The following AHNAK2 variants were observed in gnomAD, a reference collection of about 807,000 sequenced individuals.
AHNAK2 encodes protein AHNAK2.
In AHNAK2, 18 loss-of-function variants were observed where a neutral mutation model predicts 30.7. That is an observed-to-expected ratio of 0.59 (90% CI 0.41 to 0.87). The LOEUF (loss-of-function observed/expected upper bound fraction) is 0.87. Among genes scored for constraint, AHNAK2 ranks in the 40% least tolerant of loss-of-function variants. The pLI is 0.00. For synonymous variants in AHNAK2, 3,590 were observed against 3,073.8 expected (o/e 1.17, Z -5.56); for missense variants, 8,604 against 7,373.0 (o/e 1.17, Z -6.11).
rs773790862 is a variant in AHNAK2, at chr14:104,946,128, C to T, written c.9323G>A (p.Gly3108Asp). ...TGGGGCCTCGACATCCACCTCCATGCCGGGCTGAGACACCTCCACGTCGGG... is the reference window on the plus strand; with the variant it reads ...TGGGGCCTCGACATCCACCTCCATGTCGGGCTGAGACACCTCCACGTCGGG... ...TAPDVEVSQP[G>D]MEVDVEAPGA... The change falls in exon 7 of 7, where the codon GGC becomes GAC. Residue 3108 changes from glycine (G) to aspartate (D), a missense_variant. Gly to Asp is a moderately conservative substitution (Grantham distance 94, BLOSUM62 -1). Coordinates refer to ENST00000333244, the MANE Select transcript of AHNAK2 (RefSeq NM_138420.4). The T allele has an allele frequency of 5.6e-6, 9 of 1,612,320 alleles. No individual in the cohort carries two copies. Among genetic ancestry groups the T allele is most frequent in the African/African-American group, 1.3e-5 (1 of 74,492 alleles).
Position 104,939,198 on chromosome 14 carries a change from G to A in AHNAK2, c.16253C>T (p.Ala5418Val). ...CTTACAAAGGGCTGTATCAATATTG[G>A]CCTCTGGACACTGCACTTCCCTCAC... ...PTVREVQCPE[A>V]NIDTALCKES... Residue 5418 changes from alanine to valine, a missense_variant, in exon 7 of 7, where the codon GCC (alanine) becomes GTC (valine). Transcript: ENST00000333244. The A allele has an allele frequency of 6.2e-7, 1 of 1,613,752 alleles. No homozygotes were observed. The highest frequency in any genetic ancestry group is 8.5e-7 in the Non-Finnish European group (1 of 1,179,866).
At position 104,941,781 on chromosome 14, in the gene AHNAK2, G is replaced by A. The variant is rs1490149553; in HGVS notation, c.13670C>T (p.Pro4557Leu). ...CTGGGGGCCCTTGAGGTCCACTTTG[G>A]GCATCTTGAAACTGGGCATCTCCAC... ...PKVEMPSFKM[P>L]KVDLKGPQVD... Residue 4557 changes from proline to leucine, a missense_variant, in exon 7 of 7, where the codon CCC becomes CTC. Physicochemically the swap from Pro to Leu is moderately conservative, Grantham distance 98. Transcript: ENST00000333244. 1 of 1,613,626 alleles carries A rather than the reference G, an allele frequency of 6.2e-7. No individual in the cohort carries two copies. Among genetic ancestry groups the A allele is most frequent in the Non-Finnish European group, 8.5e-7 (1 of 1,179,792 alleles).
chr14:104,946,625 G>A lies in AHNAK2; in HGVS notation c.8826C>T (p.Pro2942=). ...GGGCCTCGACGTCCACCTCCACGCT[G>A]GGCAGAGACACCTCCACGTCGGGGG... The part of the protein sequence containing the change: ...VTAPDVEVSL[P]SVEVDVEAPR... The change falls in exon 7 of 7, where the codon CCC becomes CCT. Residue 2942 remains proline, a synonymous_variant. Coordinates refer to ENST00000333244, the MANE Select transcript of AHNAK2 (RefSeq NM_138420.4). 3 of 1,612,736 alleles carry A rather than the reference G, an allele frequency of 1.9e-6. No homozygotes were observed. Among genetic ancestry groups the A allele is most frequent in the Non-Finnish European group, 1.7e-6 (2 of 1,179,670 alleles).
In AHNAK2 at chr14:104,962,851, T is replaced by A. The variant is rs566698037; in HGVS notation, c.56-5179A>T. ...CTGGACCCTTCCATCCCATCACTCA[T>A]GAAAATGAATTTGAAATGAATCATA... On this transcript the variant is annotated intron_variant, in intron 1 of 6. Coordinates refer to ENST00000333244, the MANE Select transcript of AHNAK2 (RefSeq NM_138420.4). 1.8e-3 allele frequency among the ~76,000 whole-genome samples: 280 copies of A among 152,268 alleles called. 2 individuals carry two copies. Among genetic ancestry groups the A allele is most frequent in the African/African-American group, 6.5e-3 (270 of 41,558 alleles).
chr14:104,974,168 A>G (rs1899543096), intron 1 of AHNAK2, among the ~76,000 whole-genome samples: 1 of 152,228 alleles, frequency 6.6e-6, no homozygotes, highest in African/African-American at 2.4e-5. Context: ...GACACCCTCA[A>G]GCTCGCAGCG....
intron 1 of AHNAK2, among the ~76,000 whole-genome samples, chr14:104,961,312 A>G (rs1317359855): frequency 1.3e-5 from 2 of 151,752 alleles, no homozygotes; most frequent in Admixed American, 6.6e-5. Flanking sequence ...CAGGAGATCA[A>G]AACCATCCTG....
At position 104,941,982 on chromosome 14, in the gene AHNAK2, G is replaced by C; in HGVS notation, c.13469C>G (p.Ala4490Gly). Residue 4490 changes from alanine to glycine, a missense_variant, in exon 7 of 7, where the codon GCG becomes GGG. By Grantham distance (60) the Ala-to-Gly change is moderately conservative (BLOSUM62 0). Coordinates refer to ENST00000333244, the MANE Select transcript of AHNAK2 (RefSeq NM_138420.4). ...KSIEVSVDVS[A>G]PKMEADMSIP... ...GCTCATGTCGGCCTCCATCTTTGGC[G>C]CAGACACATCCACCGAGACCTCGAT... 1 of 1,613,522 alleles carries C rather than the reference G, an allele frequency of 6.2e-7. No individual in the cohort carries two copies. Among genetic ancestry groups the C allele is most frequent in the Non-Finnish European group, 8.5e-7 (1 of 1,179,704 alleles).
At position 104,938,447 on chromosome 14, in the gene AHNAK2, G is replaced by A. The variant is rs373942052; in HGVS notation, c.17004C>T (p.Asp5668=). Residue 5668 remains aspartate, a synonymous_variant, in exon 7 of 7, where the codon GAC becomes GAT. Transcript: ENST00000333244. ...VDETGVDSKN[D]VQRSAPIQTQ... is the part of the protein sequence containing the mutation. Reference sequence around the variant, plus strand: ...TTTGAATGGGAGCAGATCTCTGGACGTCATTTTTGGAATCAACACCTGTCT... The same window carrying A: ...TTTGAATGGGAGCAGATCTCTGGACATCATTTTTGGAATCAACACCTGTCT... 1.0e-4 allele frequency: 161 copies of A among 1,613,750 alleles called. No homozygotes were observed. The highest frequency in any genetic ancestry group is 5.4e-5 in the Non-Finnish European group (64 of 1,179,866).
chr14:104,942,678 T>C lies in AHNAK2; in HGVS notation c.12773A>G (p.Glu4258Gly), dbSNP rs771095181. 1 of 1,613,346 alleles carries C rather than the reference T, an allele frequency of 6.2e-7. No homozygotes were observed. Among genetic ancestry groups the C allele is most frequent in the Non-Finnish European group, 8.5e-7 (1 of 1,179,680 alleles). The change falls in exon 7 of 7, where the codon GAG becomes GGG. Residue 4258 changes from glutamate to glycine, a missense_variant. Transcript: ENST00000333244. ...CACCTCCATGCTGGGCAGAGACACC[T>C]CCACGACGGGGGTCATCACATCCGC... ...PKADVMTPVV[E>G]VSLPSMEVDV...
rs371504680 is a variant in AHNAK2 at position 104,946,368 on chromosome 14, A to C, written c.9083T>G (p.Ile3028Ser). The change falls in exon 7 of 7, where the codon ATT becomes AGT. Residue 3028 changes from isoleucine to serine, a missense_variant. Coordinates refer to ENST00000333244, the MANE Select transcript of AHNAK2 (RefSeq NM_138420.4). Reference protein sequence around the residue: ...QGDLKTTDISIEPPSAQLEVQ... With the variant: ...QGDLKTTDISSEPPSAQLEVQ... ...CTCCAGTTGGGCAGAGGGGGGCTCAATGCTGATGTCAGTGGTCTTCAGGTC... is the reference window on the plus strand; with the variant it reads ...CTCCAGTTGGGCAGAGGGGGGCTCACTGCTGATGTCAGTGGTCTTCAGGTC... 6.2e-7 allele frequency: 1 copy of C among 1,611,808 alleles called. No homozygotes were observed. The highest frequency in any genetic ancestry group is 8.5e-7 in the Non-Finnish European group (1 of 1,179,212).
At position 104,947,352 on chromosome 14, in the gene AHNAK2, G is replaced by A; in HGVS notation, c.8099C>T (p.Pro2700Leu). ...CTGGACCTCCAGTTGGGCAGAGGGG[G>A]GCTGAATGCTGATGTCAGTGGTCTT... is the stretch of plus-strand genomic sequence containing the variant. ...DLKTTDISIQ[P>L]PSAQLEVQAG... The change falls in exon 7 of 7, where the codon CCC becomes CTC. Residue 2700 changes from proline (P) to leucine (L), a missense_variant. By Grantham distance (98) the Pro-to-Leu change is moderately conservative. Transcript: ENST00000333244. 1.2e-6 allele frequency: 2 copies of A among 1,612,396 alleles called. No homozygotes were observed. The highest frequency in any genetic ancestry group is 1.1e-5 in the South Asian group (1 of 91,020).
rs181294528 is a variant in AHNAK2, at chr14:104,942,575, A to C, written c.12876T>G (p.Thr4292=). 64 of 1,612,318 alleles carry C rather than the reference A, an allele frequency of 4.0e-5. 1 individual carries two copies. The African/African-American group carries it at 6.2e-4, about 16-fold the overall frequency. The change falls in exon 7 of 7, where the codon ACT becomes ACG. Residue 4292 remains threonine, a synonymous_variant. Transcript: ENST00000333244. ...GCATTTTGAACTTGCTGTCTTTGGC[A>C]GTCATGTCCTTGTCGGCTAGGGACA... ...GDLSLADKDM[T]AKDSKFKMPK...
intron 1 of AHNAK2, among the ~76,000 whole-genome samples, chr14:104,972,966 T>C (rs774563502): frequency 1.3e-5 from 2 of 152,018 alleles, no homozygotes; most frequent in African/African-American, 4.8e-5. Context: ...TGGAGAGCCA[T>C]GCTTCACACC....
chr14:104,952,382 C>T lies in AHNAK2; in HGVS notation c.3069G>A (p.Val1023=), dbSNP rs147812632. ...PGKSIKALVD[V]SAPKVEADLS... ...GGTCGGCCTCCACCTTGGGTGCAGA[C>T]ACATCCACCAAGGCCTTGATGGACT... Residue 1023 remains valine (V), a synonymous_variant, in exon 7 of 7, where the codon GTG becomes GTA. Transcript: ENST00000333244. 6.9e-3 allele frequency: 11,064 copies of T among 1,612,840 alleles called. 68 individuals carry two copies. Among genetic ancestry groups the T allele is most frequent in the Non-Finnish European group, 8.5e-3 (9,994 of 1,179,620 alleles).
rs115731736 is a variant in AHNAK2, at chr14:104,957,295, G to A, written c.213+115C>T. On this transcript the variant is annotated intron_variant, in intron 3 of 6. Transcript: ENST00000333244. ...CTGAGAGGACATCTGAGTGGGCACT[G>A]CCCAGTGGGCAGCGGGGCAGGGCAG... The A allele has an allele frequency of 2.4e-3, 2,336 of 988,200 alleles. 38 individuals carry two copies. In the African/African-American group the frequency reaches 0.035, roughly 15 times the overall value. 61.2% of individuals were successfully genotyped at this position (988,200 alleles called of 1,614,324 possible).
At position 104,942,161 on chromosome 14, in the gene AHNAK2, C is replaced by T. The variant is rs768901485; in HGVS notation, c.13290G>A (p.Glu4430=). Residue 4430 remains glutamate, a synonymous_variant, in exon 7 of 7, where the codon GAG becomes GAA. Transcript: ENST00000333244. ...TGGCTCCTGGGGCTTGGATGTCCAC[C>T]TCCATGCTGGGCAGAGACACGTCCA... The part of the protein sequence containing the change: ...PNLDVSLPSM[E]VDIQAPGAKL... The T allele has an allele frequency of 6.2e-7, 1 of 1,613,350 alleles. No individual in the cohort carries two copies. Among genetic ancestry groups the T allele is most frequent in the Non-Finnish European group, 8.5e-7 (1 of 1,179,778 alleles).
rs866161071 is a variant in AHNAK2, at chr14:104,940,687, G to C, written c.14764C>G (p.Pro4922Ala). The C allele has an allele frequency of 6.2e-7, 1 of 1,613,242 alleles. No homozygotes were observed. The highest frequency in any genetic ancestry group is 8.5e-7 in the Non-Finnish European group (1 of 1,179,840). The change falls in exon 7 of 7, where the codon CCA becomes GCA. Residue 4922 changes from proline to alanine, a missense_variant. Physicochemically the swap from Pro to Ala is conservative, Grantham distance 27. Transcript: ENST00000333244. This position sits in a 1 kb window ranked among gnomAD's most constrained non-coding sequence, Gnocchi z 4.4. Reference sequence around the variant, plus strand: ...TGCAAGGAGGCCACAAGCTCTTCTGGGCCCTGAGACACACAGGTGCCTGGG... The same window carrying C: ...TGCAAGGAGGCCACAAGCTCTTCTGCGCCCTGAGACACACAGGTGCCTGGG... ...PSPGTCVSQG[P>A]EELVASLQTS...
rs191233073 is a variant in AHNAK2, at chr14:104,950,384, T to C, written c.5067A>G (p.Glu1689=). The part of the protein sequence containing the change: ...ASVDVSEPKV[E]ADVSLPSMQG... ...GCATGGAGGGGAGGCTCACATCAGCTTCCACCTTCGGCTCAGACACATCCA... is the reference window on the plus strand; with the variant it reads ...GCATGGAGGGGAGGCTCACATCAGCCTCCACCTTCGGCTCAGACACATCCA... The change falls in exon 7 of 7, where the codon GAA becomes GAG. Residue 1689 remains glutamate, a synonymous_variant. Transcript: ENST00000333244. 6,519 of 1,574,540 alleles carry C rather than the reference T, an allele frequency of 4.1e-3. 792 individuals carry two copies. The African/African-American group carries it at 0.052, about 13-fold the overall frequency.
In AHNAK2 at chr14:104,952,645, T is replaced by G. The variant is rs754976908; in HGVS notation, c.2806A>C (p.Ile936Leu). ...MPKVDLKGPQ[I>L]DVKGPKLDLK... ...TCCAGCTTGGGGCCCTTAACATCTATCTGGGGGCCCTTGAGGTCCACTTTG... is the reference window on the plus strand; with the variant it reads ...TCCAGCTTGGGGCCCTTAACATCTAGCTGGGGGCCCTTGAGGTCCACTTTG... The change falls in exon 7 of 7, where the codon ATA (isoleucine) becomes CTA (leucine). Residue 936 changes from isoleucine (I) to leucine (L), a missense_variant. Coordinates refer to ENST00000333244, the MANE Select transcript of AHNAK2 (RefSeq NM_138420.4). 1.7e-5 allele frequency: 28 copies of G among 1,605,392 alleles called. 1 individual carries two copies. Among genetic ancestry groups the G allele is most frequent in the Admixed American group, 1.0e-4 (6 of 59,124 alleles).
Sources: allele counts gnomAD v4.1 joint callset (sites outside exome capture counted in the v4.1 genomes callset), GRCh38; gene constraint gnomAD v4.1.1; non-coding constraint Gnocchi (gnomAD v3.1); transcripts MANE v1.5; gene names NCBI Gene and HGNC (gene_info 2026-07-23, HGNC 2026-07-21).